The following COL21A1 variants were observed in gnomAD, a reference collection of about 807,000 sequenced individuals.
COL21A1 encodes collagen alpha-1(XXI) chain.
COL21A1 carries 149 observed loss-of-function variants against 137.9 expected under a neutral mutation model. The observed-to-expected ratio is 1.08, with a 90% CI of 0.95 to 1.24. COL21A1 has a LOEUF of 1.24. Ranked by LOEUF, COL21A1 falls within the 50% of genes most tolerant of loss-of-function variation. COL21A1 has a pLI of 0.00. For missense variants in COL21A1, 1,167 were observed against 1,158.4 expected, an observed-to-expected ratio of 1.01 and a Z score of -0.11; for synonymous variants, 456 against 391.5, an observed-to-expected ratio of 1.16 and a Z score of -1.95.
chr6:56,202,842 C>T (rs1779503829), intron 1 of COL21A1, among the ~76,000 whole-genome samples: 4 of 152,064 alleles, frequency 2.6e-5, no homozygotes, highest in Admixed American at 2.6e-4. Context: ...ATTCAAGCAA[C>T]AAAAGAATAT....
intron 16 of COL21A1, among the ~76,000 whole-genome samples, chr6:56,116,649 C>T (rs181726357): frequency 1.2e-4 from 18 of 151,952 alleles, no homozygotes; most frequent in East Asian, 7.7e-4. Context: ...CAGAAAAACA[C>T]GGAATATTAT....
At chr6:56,288,697 G>A (rs1444060806) in intron 1 of COL21A1, among the ~76,000 whole-genome samples, 1 of 152,162 alleles carries the variant, frequency 6.6e-6, no homozygotes, top group Admixed American at 6.5e-5. Context: ...GAAGCCCGAG[G>A]GCCAGCTATC....
intron 12 of COL21A1, among the ~76,000 whole-genome samples, chr6:56,138,829 A>C (rs1774191115): frequency 6.6e-6 from 1 of 152,106 alleles, no homozygotes. Flanking sequence ...CTAAAGGAAG[A>C]TATGTGGTAG....
intron 1 of COL21A1, among the ~76,000 whole-genome samples, chr6:56,346,586 G>A (rs1266091901): frequency 6.6e-6 from 1 of 152,146 alleles, no homozygotes; most frequent in East Asian, 1.9e-4. Context: ...CACACAAGAA[G>A]CATAGCTTTC....
rs1041575878 is a variant in COL21A1, at chr6:56,101,645, C to T, written c.1759-120G>A. On this transcript the variant is annotated intron_variant, in intron 16 of 29. Coordinates refer to ENST00000244728, the MANE Select transcript of COL21A1 (RefSeq NM_030820.4). ...AATACAAACAGAAAAATTAAAATTACTTCTGGACTACTGATATTAACTTTT... is the reference window on the plus strand; with the variant it reads ...AATACAAACAGAAAAATTAAAATTATTTCTGGACTACTGATATTAACTTTT... 6.9e-6 allele frequency: 5 copies of T among 719,886 alleles called. No homozygotes were observed. In the African/African-American group the frequency reaches 9.0e-5, roughly 13 times the overall value. 44.6% of individuals were successfully genotyped at this position (719,886 alleles called of 1,614,324 possible). A position where few individuals can be genotyped will look rare whatever the true frequency, so the allele number is the denominator to read the frequency against.
intron 1 of COL21A1, among the ~76,000 whole-genome samples, chr6:56,300,460 C>T (rs1358167711): frequency 6.6e-6 from 1 of 151,890 alleles, no homozygotes; most frequent in African/African-American, 2.4e-5. Flanking sequence ...CATTTTTTGT[C>T]CTGGAATGTC....
chr6:56,141,475 T>C (rs1774402044), intron 12 of COL21A1, among the ~76,000 whole-genome samples: 1 of 152,146 alleles, frequency 6.6e-6, no homozygotes, highest in African/African-American at 2.4e-5. Flanking sequence ...GTTAACATGG[T>C]AACACTTTCC....
At chr6:56,260,533 A>T (rs1174615719) in intron 1 of COL21A1, among the ~76,000 whole-genome samples, 11 of 150,396 alleles carry the variant, frequency 7.3e-5, no homozygotes, top group Non-Finnish European at 1.5e-4. Flanking sequence ...AAGACTGAGC[A>T]TCTGCACTTC....
chr6:56,208,861 A>G (rs1400818043), intron 1 of COL21A1, among the ~76,000 whole-genome samples: 1 of 152,148 alleles, frequency 6.6e-6, no homozygotes, highest in Non-Finnish European at 1.5e-5. Context: ...AGGCCTCAGA[A>G]ATAACACCAC....
chr6:56,292,715 T>C (rs1156291856), intron 1 of COL21A1, among the ~76,000 whole-genome samples: 1 of 152,192 alleles, frequency 6.6e-6, no homozygotes, highest in Non-Finnish European at 1.5e-5. Flanking sequence ...TTCTCCTAGG[T>C]AACATCCACA....
chr6:56,263,564 C>T (rs1362233597), intron 1 of COL21A1, among the ~76,000 whole-genome samples: 1 of 152,196 alleles, frequency 6.6e-6, no homozygotes, highest in Non-Finnish European at 1.5e-5. Context: ...AACTCAAAAA[C>T]TGTTCATTAC....
chr6:56,080,619 A>G (rs1767669623), intron 17 of COL21A1, among the ~76,000 whole-genome samples: 1 of 151,828 alleles, frequency 6.6e-6, no homozygotes, highest in South Asian at 2.1e-4. Flanking sequence ...AAATTGGACC[A>G]TCTTAGATCA....
intron 1 of COL21A1, among the ~76,000 whole-genome samples, chr6:56,344,873 T>C (rs935055083): frequency 2.4e-4 from 37 of 152,152 alleles, no homozygotes; most frequent in Non-Finnish European, 1.0e-4. Context: ...TGATTATAAG[T>C]TTCCTGAGGC....
chr6:56,266,512 T>G (rs982862945), intron 1 of COL21A1, among the ~76,000 whole-genome samples: 1 of 152,226 alleles, frequency 6.6e-6, no homozygotes, highest in Non-Finnish European at 1.5e-5. Flanking sequence ...CAACAAAGCT[T>G]AAAATATTTA....
chr6:56,119,603 T>G (rs992341212), intron 16 of COL21A1, among the ~76,000 whole-genome samples: 11 of 152,016 alleles, frequency 7.2e-5, no homozygotes, highest in African/African-American at 2.7e-4. Flanking sequence ...TGGCCAAAGC[T>G]ATCCTAAGCA....
chr6:56,375,508 T>C (rs942878655), intron 1 of COL21A1, among the ~76,000 whole-genome samples: 6 of 152,114 alleles, frequency 3.9e-5, no homozygotes, highest in Non-Finnish European at 8.8e-5. Context: ...CTCCAGGTTC[T>C]AGTCACCTCC....
intron 10 of COL21A1, 24 bp from the exon 11 acceptor site, chr6:56,142,007 A>C: frequency 6.9e-7 from 1 of 1,459,296 alleles, no homozygotes; most frequent in Non-Finnish European, 9.3e-7. Flanking sequence ...TAAAAAGAAA[A>C]AAAATAATAT....
chr6:56,166,599 C>T (rs1348295734), intron 7 of COL21A1, among the ~76,000 whole-genome samples: 11 of 152,134 alleles, frequency 7.2e-5, no homozygotes, highest in African/African-American at 1.7e-4. Context: ...TGCAGTGACC[C>T]GAGATTGCGC....
At chr6:56,112,884 A>T (rs746182460) in intron 16 of COL21A1, among the ~76,000 whole-genome samples, 3 of 151,956 alleles carry the variant, frequency 2.0e-5, no homozygotes, top group Non-Finnish European at 4.4e-5. Context: ...GGGTTTCTCC[A>T]TGTTGGTCAG....
Sources: gnomAD v4.1 joint callset for allele counts (sites outside exome capture counted in the v4.1 genomes callset) on GRCh38, gnomAD v4.1.1 for gene constraint, MANE v1.5 for transcripts, NCBI Gene and HGNC (gene_info 2026-07-23, HGNC 2026-07-21) for gene names.